The following RRP15 variants were observed in gnomAD, a reference collection of about 807,000 sequenced individuals.
RRP15 encodes ribosomal RNA processing 15 homolog, also known as RRP15-like protein.
Under a neutral mutation model 27.1 loss-of-function variants are expected in RRP15, and 18 were observed. The observed-to-expected ratio is 0.66, with a 90% CI of 0.46 to 0.98. The LOEUF (loss-of-function observed/expected upper bound fraction) is 0.98, where lower values mean the gene tolerates loss of function less well. RRP15 is among the 50% of genes least tolerant of loss of function. RRP15 has a pLI of 0.00. For missense variants in RRP15, 359 were observed against 337.8 expected, an observed-to-expected ratio of 1.06 and a Z score of -0.49; for synonymous variants, 107 against 109.4, an observed-to-expected ratio of 0.98 and a Z score of 0.14.
intron 2 of RRP15, 49 bp from the exon 3 acceptor site, chr1:218,304,979 C>T: frequency 6.5e-7 from 1 of 1,530,028 alleles, no homozygotes; most frequent in Non-Finnish European, 9.0e-7. Context: ...GTTTGCTGCA[C>T]TTTCAGAAAT....
chr1:218,336,376 C>T lies in RRP15; in HGVS notation c.*5285C>T, dbSNP rs1032454958. The T allele has an allele frequency of 6.5e-6, 1 of 152,696 alleles. No individual in the cohort carries two copies. The highest frequency in any genetic ancestry group is 2.4e-5 in the African/African-American group (1 of 41,540). The allele number at this position is 152,696 out of a possible 1,614,324, so 9.5% of individuals were successfully genotyped here. The stretch of plus-strand genomic sequence containing the variant: ...AGTTTCTCTAACCCTGAATCATTAT[C>T]CTGCATTTTTAATGCAATCGGTTCA... On this transcript the variant is annotated 3_prime_UTR_variant, in exon 5 of 5. Transcript: ENST00000366932.
intron 4 of RRP15, among the ~76,000 whole-genome samples, chr1:218,322,068 G>A (rs1013272404): frequency 6.6e-6 from 1 of 152,058 alleles, no homozygotes; most frequent in Admixed American, 6.5e-5. Context: ...GTTATAACAG[G>A]TTATATAAGA....
intron 1 of RRP15, among the ~76,000 whole-genome samples, chr1:218,287,133 T>G (rs1240472846): frequency 6.7e-6 from 1 of 149,078 alleles, no homozygotes; most frequent in Non-Finnish European, 1.5e-5. Flanking sequence ...CCTGGCTAAT[T>G]TTTTTTTTCT....
chr1:218,325,139 T>A (rs1656251838), intron 4 of RRP15, among the ~76,000 whole-genome samples: 1 of 152,210 alleles, frequency 6.6e-6, no homozygotes, highest in Non-Finnish European at 1.5e-5. Context: ...CTCCAGCGGT[T>A]TTGTCAAGTT....
At chr1:218,304,601 T>G (rs1270695070) in intron 2 of RRP15, among the ~76,000 whole-genome samples, 1 of 152,250 alleles carries the variant, frequency 6.6e-6, no homozygotes, top group East Asian at 1.9e-4. Flanking sequence ...TGATACATTT[T>G]CTTAATAGTA....
At chr1:218,327,809 G>A (rs1288881856) in intron 4 of RRP15, among the ~76,000 whole-genome samples, 1 of 152,118 alleles carries the variant, frequency 6.6e-6, no homozygotes, top group Non-Finnish European at 1.5e-5. Context: ...TTTTACATTA[G>A]ATTTACAAAA....
chr1:218,296,433 C>G lies in RRP15; in HGVS notation c.140-5861C>G, dbSNP rs115830380. ...CTTTGGAAGGCTGAGGTGGGTTGAT[C>G]ATTTGAGCCCAGGAGTTCAAGACCA... On this transcript the variant is annotated intron_variant, in intron 1 of 4. Coordinates refer to ENST00000366932, the MANE Select transcript of RRP15 (RefSeq NM_016052.4). Among the ~76,000 whole-genome samples, 364 of 152,122 alleles carry G rather than the reference C, an allele frequency of 2.4e-3. 3 individuals are homozygous for G. Among genetic ancestry groups the G allele is most frequent in the African/African-American group, 8.5e-3 (352 of 41,508 alleles).
At chr1:218,330,660 G>C (rs1042679309) in intron 4 of RRP15, among the ~76,000 whole-genome samples, 5 of 151,780 alleles carry the variant, frequency 3.3e-5, no homozygotes, top group Admixed American at 6.6e-5. Context: ...ACCAAACCTA[G>C]ATTTATATTT....
chr1:218,319,361 G>A (rs12087331), intron 4 of RRP15, among the ~76,000 whole-genome samples: 4,804 of 152,196 alleles, frequency 0.032, 96 homozygotes, highest in East Asian at 0.073. Flanking sequence ...CACTGTGCCC[G>A]GCTTGTTTGT....
At position 218,330,076 on chromosome 1, in the gene RRP15, T is replaced by C. The variant is rs1656342582; in HGVS notation, c.706-872T>C. 3.3e-5 allele frequency among the ~76,000 whole-genome samples: 5 copies of C among 152,158 alleles called. No individual in the cohort carries two copies. The South Asian group carries it at 1.0e-3, about 32-fold the overall frequency. On this transcript the variant is annotated intron_variant, in intron 4 of 4. Coordinates refer to ENST00000366932, the MANE Select transcript of RRP15 (RefSeq NM_016052.4). ...TGTGATTGACATAAATAGATATGCA[T>C]AGACTGTTAGCCCCCTGAAAACAGG...
intron 1 of RRP15, among the ~76,000 whole-genome samples, chr1:218,297,627 A>C (rs1182425081): frequency 1.3e-5 from 2 of 152,146 alleles, no homozygotes; most frequent in Non-Finnish European, 2.9e-5. Flanking sequence ...ACTGTCCTCA[A>C]TCACGTTTTT....
intron 4 of RRP15, among the ~76,000 whole-genome samples, chr1:218,317,285 C>G (rs1460286565): frequency 1.3e-5 from 2 of 152,200 alleles, no homozygotes; most frequent in Non-Finnish European, 2.9e-5. Context: ...GATGCTGTGG[C>G]AGATGTTTTT....
At chr1:218,329,281 A>G (rs889212224) in intron 4 of RRP15, among the ~76,000 whole-genome samples, 3 of 145,572 alleles carry the variant, frequency 2.1e-5, no homozygotes, top group Non-Finnish European at 4.5e-5. Context: ...TTAGCCAGGC[A>G]TGATGGTGTG....
rs1656365992 is a variant in RRP15 at position 218,331,355 on chromosome 1, A to G, written c.*264A>G. The G allele has an allele frequency of 3.6e-6, 1 of 275,418 alleles. No individual in the cohort carries two copies. The highest frequency in any genetic ancestry group is 6.9e-6 in the Non-Finnish European group (1 of 145,858). The allele number at this position is 275,418 out of a possible 1,614,324, so 17.1% of individuals were successfully genotyped here. On this transcript the variant is annotated 3_prime_UTR_variant, in exon 5 of 5. Coordinates refer to ENST00000366932, the MANE Select transcript of RRP15 (RefSeq NM_016052.4). ...TGACCAGCGAGATGTGCATTTTGCC[A>G]GGATCATATTGGTCATGTCTATTGG...
intron 1 of RRP15, among the ~76,000 whole-genome samples, chr1:218,290,341 T>C (rs1328836701): frequency 6.6e-6 from 1 of 152,244 alleles, no homozygotes; most frequent in Non-Finnish European, 1.5e-5. Flanking sequence ...TAGTGAACCA[T>C]TGCTTCTAGA....
intron 4 of RRP15, among the ~76,000 whole-genome samples, chr1:218,321,813 A>C (rs1656191910): frequency 6.6e-6 from 1 of 152,134 alleles, no homozygotes; most frequent in South Asian, 2.1e-4. Flanking sequence ...TGACACATTT[A>C]GAATTTGCCT....
chr1:218,306,238 T>C (rs924460140), intron 3 of RRP15, among the ~76,000 whole-genome samples: 1 of 152,218 alleles, frequency 6.6e-6, no homozygotes, highest in Non-Finnish European at 1.5e-5. Context: ...GACTTTATTA[T>C]TCATGGCAAA....
chr1:218,291,213 A>G (rs920583789), intron 1 of RRP15, among the ~76,000 whole-genome samples: 4 of 152,028 alleles, frequency 2.6e-5, no homozygotes, highest in African/African-American at 9.7e-5. Flanking sequence ...CAAGGTGGGC[A>G]GATCACTTAA....
intron 1 of RRP15, among the ~76,000 whole-genome samples, chr1:218,296,094 G>A (rs1045782979): frequency 1.3e-5 from 2 of 152,130 alleles, no homozygotes; most frequent in Non-Finnish European, 2.9e-5. Context: ...TGAGGATGGT[G>A]AGCAGACTGT....
Sources: gnomAD v4.1 joint callset for allele counts (sites outside exome capture counted in the v4.1 genomes callset) on GRCh38, gnomAD v4.1.1 for gene constraint, MANE v1.5 for transcripts, NCBI Gene and HGNC (gene_info 2026-07-23, HGNC 2026-07-21) for gene names.